The following DDX54 variants were observed in gnomAD, a reference collection of about 807,000 sequenced individuals.
The protein encoded by DDX54 is ATP-dependent RNA helicase DDX54.
A neutral mutation model predicts 105.5 loss-of-function variants in DDX54; 67 were observed. The observed-to-expected ratio is 0.64, with a 90% confidence interval of 0.52 to 0.78. DDX54 has a LOEUF of 0.78. Ranked by LOEUF, DDX54 falls within the 30% of genes least tolerant of loss-of-function variation. DDX54 has a pLI of 0.00. For missense variants in DDX54, 1,206 were observed against 1,230.5 expected, an observed-to-expected ratio of 0.98 and a Z score of 0.30; for synonymous variants, 514 against 509.9, an observed-to-expected ratio of 1.01 and a Z score of -0.11.
Position 113,158,898 on chromosome 12 carries a change from G to C in DDX54, c.2625C>G (p.Gly875=), listed in dbSNP as rs1321872281. 2 of 1,605,582 alleles carry C rather than the reference G, an allele frequency of 1.2e-6. No homozygotes were observed. The highest frequency in any genetic ancestry group is 1.7e-6 in the Non-Finnish European group (2 of 1,173,992). The stretch of plus-strand genomic sequence containing the variant: ...GTCCTCACATCCTCTTCCGCATCTT[G>C]CCCTTCTTGGAGCGGGCACCCCGGC... The part of the protein sequence containing the change: ...AFGRGARSKK[G]KMRKRM Residue 875 remains glycine (G), a synonymous_variant, in exon 20 of 20, where the codon GGC becomes GGG. Transcript: ENST00000306014. The surrounding 1 kb of genome is among the most constrained non-coding windows in gnomAD (Gnocchi z 4.9).
intron 1 of DDX54, among the ~76,000 whole-genome samples, chr12:113,183,969 CAG>C (rs1952495123): frequency 1.3e-5 from 2 of 152,096 alleles, no homozygotes; most frequent in Admixed American, 6.5e-5. Flanking sequence ...TTTTTTGAGA[CAG>C]AGTCTTGCTC....
intron 18 of DDX54, among the ~76,000 whole-genome samples, 183 bp downstream of exon 18, chr12:113,161,710 C>T (rs1952210544): frequency 6.6e-6 from 1 of 151,030 alleles, no homozygotes; most frequent in Admixed American, 6.6e-5. Context: ...GATGCTGCTG[C>T]TGAAGCTGCT....
At chr12:113,178,860 T>A (rs1952434267) in intron 5 of DDX54, 117 bp downstream of exon 5, 2 of 1,377,924 alleles carry the variant, frequency 1.5e-6, no homozygotes, top group Admixed American at 4.3e-5. Context: ...GTTTTTTGAA[T>A]GAGCACAGAA....
At chr12:113,165,740 T>C (rs1233075939) in intron 13 of DDX54, 23 bp from the exon 14 acceptor site, 4 of 1,610,768 alleles carry the variant, frequency 2.5e-6, no homozygotes, top group African/African-American at 1.3e-5. Flanking sequence ...CAGCAAGGTG[T>C]GAGGCTGTGG....
In DDX54 at chr12:113,176,841, G is replaced by C; in HGVS notation, c.751C>G (p.Arg251Gly). 1 of 1,614,074 alleles carries C rather than the reference G, an allele frequency of 6.2e-7. No homozygotes were observed. Reference protein sequence around the residue: ...VEYVVFDEADRLFEMGFAEQL... With the variant: ...VEYVVFDEADGLFEMGFAEQL... ...TCAGGGCTGGACCTGCAGCCTTACC[G>C]GTCAGCTTCATCGAACACCACGTAT... The change falls in exon 7 of 20, where the codon CGG becomes GGG. Residue 251 changes from arginine to glycine, a missense_variant and splice_region_variant. Around this residue, in one of 3 missense-constraint regions of DDX54, gnomAD observed 961 missense variants for 1,019.1 expected, o/e 0.94. Coordinates refer to ENST00000306014, the MANE Select transcript of DDX54 (RefSeq NM_024072.4).
chr12:113,176,736 C>T, intron 7 of DDX54, 104 bp downstream of exon 7: 1 of 1,279,164 alleles, frequency 7.8e-7, no homozygotes. Flanking sequence ...GCTTCGATCT[C>T]AGCCACACAG....
At chr12:113,161,811 G>A (rs1164271433) in intron 18 of DDX54, 82 bp downstream of exon 18, 2 of 118,090 alleles carry the variant, frequency 1.7e-5, no homozygotes, top group South Asian at 5.2e-5. Flanking sequence ...CCCCGCCCCC[G>A]CCCCCAGGTT....
intron 10 of DDX54, among the ~76,000 whole-genome samples, chr12:113,174,111 G>A (rs1164643546): frequency 6.6e-6 from 1 of 151,846 alleles, no homozygotes; most frequent in Admixed American, 6.6e-5. Flanking sequence ...CCTGGGAGGT[G>A]GAGGTTGCAG....
At chr12:113,166,513 C>T (rs1952278380) in intron 12 of DDX54, among the ~76,000 whole-genome samples, 1 of 152,108 alleles carries the variant, frequency 6.6e-6, no homozygotes, top group African/African-American at 2.4e-5. Context: ...CCAGCCTGAG[C>T]AATGTAGTGA....
intron 19 of DDX54, among the ~76,000 whole-genome samples, chr12:113,160,742 T>C (rs546974379): frequency 1.1e-4 from 16 of 152,332 alleles, no homozygotes; most frequent in African/African-American, 3.4e-4. Flanking sequence ...TGACTGCGTC[T>C]TTGGTGACAT....
rs761642755 is a variant in DDX54 at position 113,161,957 on chromosome 12, C to T, written c.2236G>A (p.Glu746Lys). 3 of 1,613,312 alleles carry T rather than the reference C, an allele frequency of 1.9e-6. No homozygotes were observed. The highest frequency in any genetic ancestry group is 2.2e-5 in the East Asian group (1 of 44,850). The change falls in exon 18 of 20, where the codon GAA (glutamate) becomes AAA (lysine). Residue 746 changes from glutamate to lysine, a missense_variant. Glu to Lys is a moderately conservative substitution (Grantham distance 56). Transcript: ENST00000306014. ...TCTGTCTTAATCTTCTTCTTGTCTT[C>T]CTGTCCTGACTGTCCCACAAACCGC... is the stretch of plus-strand genomic sequence containing the variant. ...KKRFVGQSGQ[E>K]DKKKIKTESG... is the part of the protein sequence containing the mutation.
chr12:113,172,701 A>C (rs1378193623), intron 10 of DDX54, 138 bp from the exon 11 acceptor site: 4 of 1,058,308 alleles, frequency 3.8e-6, no homozygotes, highest in Non-Finnish European at 5.4e-6. Context: ...CCTTGGTCTG[A>C]ATCCCAGCTT....
chr12:113,180,112 G>GAA (rs113783126), intron 2 of DDX54, 107 bp from the exon 3 acceptor site: 5 of 924,094 alleles, frequency 5.4e-6, no homozygotes, highest in Non-Finnish European at 8.3e-6. Context: ...AACAGCAAGG[G>GAA]AAAAAAAAAA....
At position 113,157,436 on chromosome 12, in the gene DDX54, G is replaced by A. The variant is rs1952141466; in HGVS notation, c.*1441C>T. On this transcript the variant is annotated 3_prime_UTR_variant, in exon 20 of 20. Transcript: ENST00000306014. ...CCTGAGGCTTTCAAAACCCAGAACG[G>A]TTTAGGATCTCAGTCACCACCTCTG... 4.7e-6 allele frequency: 3 copies of A among 633,808 alleles called. No homozygotes were observed. The highest frequency in any genetic ancestry group is 8.4e-6 in the Non-Finnish European group (3 of 359,086). The allele number at this position is 633,808 out of a possible 1,614,324, so 39.3% of individuals were successfully genotyped here.
At chr12:113,168,325 G>C (rs1845396004) in intron 12 of DDX54, among the ~76,000 whole-genome samples, 1 of 152,220 alleles carries the variant, frequency 6.6e-6, no homozygotes, top group African/African-American at 2.4e-5. Flanking sequence ...CCACTGGCTA[G>C]GCTGTCCGGA....
intron 1 of DDX54, among the ~76,000 whole-genome samples, chr12:113,184,111 T>TA (rs1952497025): frequency 6.6e-6 from 1 of 151,866 alleles, no homozygotes; most frequent in South Asian, 2.1e-4. Context: ...CACACCTGGC[T>TA]ATTTTTGTAT....
chr12:113,182,848 C>T (rs546240536), intron 1 of DDX54, among the ~76,000 whole-genome samples: 6 of 151,842 alleles, frequency 4.0e-5, no homozygotes, highest in Admixed American at 6.6e-5. Context: ...TGAGCCACCA[C>T]GCCCAGCCTC....
chr12:113,184,140 T>A (rs2136329579), intron 1 of DDX54, among the ~76,000 whole-genome samples: 1 of 152,234 alleles, frequency 6.6e-6, no homozygotes, highest in East Asian at 1.9e-4. Context: ...GAGACAGGGT[T>A]TCACCATGTT....
intron 7 of DDX54, among the ~76,000 whole-genome samples, chr12:113,175,427 C>G (rs932904255): frequency 4.6e-5 from 7 of 152,212 alleles, no homozygotes; most frequent in Non-Finnish European, 4.4e-5. Context: ...AATCCCAGCA[C>G]TTTGAGAGGC....
Sources: gnomAD v4.1 joint callset for allele counts (sites outside exome capture counted in the v4.1 genomes callset) on GRCh38, gnomAD v4.1.1 for gene constraint, gnomAD v4.1.1 regional missense constraint, Gnocchi (gnomAD v3.1) non-coding constraint, MANE v1.5 for transcripts, NCBI Gene and HGNC (gene_info 2026-07-23, HGNC 2026-07-21) for gene names.